The following MTUS1 variants were observed in gnomAD, a reference collection of about 807,000 sequenced individuals.
MTUS1 encodes the protein microtubule associated scaffold protein 1.
In MTUS1, 109 loss-of-function variants were observed where a neutral mutation model predicts 120.8. The observed-to-expected ratio is 0.90, with a 90% CI of 0.77 to 1.06. The LOEUF is 1.06. Among genes scored for constraint, MTUS1 ranks in the 50% least tolerant of loss-of-function variants. MTUS1 has a pLI of 0.00. For synonymous variants in MTUS1, 737 were observed against 550.5 expected (o/e 1.34, Z -4.74); for missense variants, 2,210 against 1,486.3 (o/e 1.49, Z -8.01).
intron 5 of MTUS1, among the ~76,000 whole-genome samples, chr8:17,713,718 A>G (rs1032673913): frequency 6.6e-6 from 1 of 152,216 alleles, no homozygotes; most frequent in Non-Finnish European, 1.5e-5. Context: ...GATAAAATAT[A>G]AAATCAGGAG....
At chr8:17,697,950 T>C (rs1430491557) in intron 6 of MTUS1, among the ~76,000 whole-genome samples, 2 of 152,226 alleles carry the variant, frequency 1.3e-5, no homozygotes, top group Admixed American at 6.5e-5. Flanking sequence ...ATATTTTACA[T>C]GTAAACTACA....
intron 8 of MTUS1, among the ~76,000 whole-genome samples, chr8:17,664,643 G>C (rs559254409): frequency 8.2e-4 from 124 of 152,120 alleles, no homozygotes; most frequent in African/African-American, 2.8e-3. Flanking sequence ...GGGGTAAACA[G>C]AACTGTCACT....
At chr8:17,741,622 C>A (rs952733942) in intron 3 of MTUS1, among the ~76,000 whole-genome samples, 1 of 152,212 alleles carries the variant, frequency 6.6e-6, no homozygotes, top group Non-Finnish European at 1.5e-5. Context: ...AAGGACTTAA[C>A]AACTACTTCC....
chr8:17,699,042 G>C (rs554281052), intron 6 of MTUS1, among the ~76,000 whole-genome samples: 47 of 152,014 alleles, frequency 3.1e-4, no homozygotes, highest in African/African-American at 1.1e-3. Context: ...CCAAAACCTT[G>C]TAAAAACCAA....
At chr8:17,761,980 T>C (rs1171653494) in intron 1 of MTUS1, among the ~76,000 whole-genome samples, 1 of 152,146 alleles carries the variant, frequency 6.6e-6, no homozygotes, top group Non-Finnish European at 1.5e-5. Flanking sequence ...TTTATCTTAC[T>C]AAAAACGAAG....
intron 1 of MTUS1, among the ~76,000 whole-genome samples, chr8:17,767,188 TAAAAAAAAAA>T (rs34726378): frequency 3.8e-5 from 4 of 105,300 alleles, no homozygotes; most frequent in East Asian, 2.9e-4. Flanking sequence ...ATCCTCAGGG[TAAAAAAAAAA>T]AAAAAAAAAA....
At chr8:17,771,720 C>T (rs1373322547) in intron 1 of MTUS1, among the ~76,000 whole-genome samples, 2 of 152,194 alleles carry the variant, frequency 1.3e-5, no homozygotes, top group African/African-American at 4.8e-5. Flanking sequence ...ACAACTCTTA[C>T]AACAAAGACA....
chr8:17,743,857 G>C (rs1586105067), intron 2 of MTUS1, 58 bp from the exon 3 acceptor site: 1 of 1,448,820 alleles, frequency 6.9e-7, no homozygotes, highest in South Asian at 1.2e-5. Flanking sequence ...CCCCCCAACT[G>C]ACTGAATGGG....
chr8:17,782,583 T>A (rs1282556083), intron 1 of MTUS1, among the ~76,000 whole-genome samples: 1 of 152,170 alleles, frequency 6.6e-6, no homozygotes, highest in Non-Finnish European at 1.5e-5. Context: ...GGAGAGTACA[T>A]CCAAAAATAC....
intron 6 of MTUS1, among the ~76,000 whole-genome samples, 161 bp from the exon 7 acceptor site, chr8:17,684,703 A>C (rs1815389693): frequency 6.6e-6 from 1 of 152,228 alleles, no homozygotes; most frequent in African/African-American, 2.4e-5. Flanking sequence ...TCGGAGATCT[A>C]GACGGTTGGA....
intron 6 of MTUS1, among the ~76,000 whole-genome samples, chr8:17,699,753 C>G (rs1188272403): frequency 6.6e-6 from 1 of 152,210 alleles, no homozygotes; most frequent in Non-Finnish European, 1.5e-5. Context: ...CCGTGCAGCA[C>G]AAGTGCACCA....
intron 8 of MTUS1, among the ~76,000 whole-genome samples, chr8:17,657,575 A>T (rs1474956737): frequency 6.6e-6 from 1 of 151,604 alleles, no homozygotes; most frequent in Non-Finnish European, 1.5e-5. Context: ...CTCAAAAAAA[A>T]AAAGAAGCTG....
At chr8:17,737,970 G>C (rs1032473932) in intron 3 of MTUS1, among the ~76,000 whole-genome samples, 1 of 152,040 alleles carries the variant, frequency 6.6e-6, no homozygotes, top group African/African-American at 2.4e-5. Flanking sequence ...AACACGAAAT[G>C]AATGAAAAAA....
rs190165668 is a variant in MTUS1, at chr8:17,784,197, A to C, written c.-155+16864T>G. Among the ~76,000 whole-genome samples the C allele has an allele frequency of 1.2e-4, 18 of 152,174 alleles. No homozygotes were observed. In the East Asian group the frequency reaches 2.7e-3, roughly 23 times the overall value. ...CAAAATGGCAGTGTGGTTTAACTGA[A>C]TCCACATTTACAGTTGAGAATACTC... is the stretch of plus-strand genomic sequence containing the variant. On this transcript the variant is annotated intron_variant, in intron 1 of 14. Coordinates refer to ENST00000693296, the MANE Select transcript of MTUS1 (RefSeq NM_001363059.2).
At chr8:17,680,269 G>C (rs999839675) in intron 7 of MTUS1, among the ~76,000 whole-genome samples, 2 of 151,902 alleles carry the variant, frequency 1.3e-5, no homozygotes, top group Non-Finnish European at 2.9e-5. Flanking sequence ...TTTAAGACCA[G>C]CCTGGCCAAC....
At chr8:17,781,530 C>G (rs948322330) in intron 1 of MTUS1, among the ~76,000 whole-genome samples, 1 of 152,220 alleles carries the variant, frequency 6.6e-6, no homozygotes, top group African/African-American at 2.4e-5. Flanking sequence ...GAGTTTCTTA[C>G]AAATTAGAAT....
chr8:17,695,158 T>C (rs1204134353), intron 6 of MTUS1, among the ~76,000 whole-genome samples: 1 of 152,144 alleles, frequency 6.6e-6, no homozygotes, highest in Non-Finnish European at 1.5e-5. Flanking sequence ...TAAAATGACA[T>C]AACATGGATA....
intron 4 of MTUS1, among the ~76,000 whole-genome samples, chr8:17,717,744 CCT>C (rs1822617510): frequency 6.6e-6 from 1 of 152,032 alleles, no homozygotes; most frequent in Non-Finnish European, 1.5e-5. Flanking sequence ...GTGTCCCTTG[CCT>C]CTCTGTCACA....
intron 4 of MTUS1, among the ~76,000 whole-genome samples, chr8:17,718,348 T>C (rs751150071): frequency 9.9e-5 from 15 of 152,216 alleles, no homozygotes; most frequent in Non-Finnish European, 1.3e-4. Context: ...TTTCCAGCAA[T>C]GGAACAGGAT....
Sources: allele counts gnomAD v4.1 joint callset (sites outside exome capture counted in the v4.1 genomes callset), GRCh38; gene constraint gnomAD v4.1.1; transcripts MANE v1.5; gene names NCBI Gene and HGNC (gene_info 2026-07-23, HGNC 2026-07-21).